Variants in CADPS2 observed in about 807,000 individuals in gnomAD.
CADPS2 encodes calcium-dependent secretion activator 2.
Under a neutral mutation model 172.5 loss-of-function variants are expected in CADPS2, and 93 were observed. The ratio of observed to expected loss-of-function variants is 0.54; its 90% CI spans 0.46 to 0.64. The LOEUF (loss-of-function observed/expected upper bound fraction) is 0.64. CADPS2 is among the 30% of genes least tolerant of loss of function. CADPS2 has a pLI of 0.00. For missense variants in CADPS2, 1,420 were observed against 1,565.9 expected, an observed-to-expected ratio of 0.91 and a Z score of 1.57; for synonymous variants, 546 against 555.2, an observed-to-expected ratio of 0.98 and a Z score of 0.23.
At chr7:122,780,912 T>G (rs927623203) in intron 1 of CADPS2, among the ~76,000 whole-genome samples, 3 of 152,196 alleles carry the variant, frequency 2.0e-5, no homozygotes, top group African/African-American at 7.2e-5. Flanking sequence ...CTCTTACACA[T>G]GTATTCTTAT....
chr7:122,487,338 C>T (rs1586552942), intron 11 of CADPS2, among the ~76,000 whole-genome samples: 1 of 151,946 alleles, frequency 6.6e-6, no homozygotes, highest in Non-Finnish European at 1.5e-5. Flanking sequence ...CACTGGGAAA[C>T]CAAAGAATTT....
chr7:122,872,480 G>A (rs890415774), intron 1 of CADPS2, among the ~76,000 whole-genome samples: 2 of 151,926 alleles, frequency 1.3e-5, no homozygotes, highest in African/African-American at 2.4e-5. Context: ...GAACAAGAAT[G>A]GGCTTTATCT....
chr7:122,757,140 A>G (rs1300422669), intron 1 of CADPS2, among the ~76,000 whole-genome samples: 3 of 148,584 alleles, frequency 2.0e-5, no homozygotes, highest in African/African-American at 7.6e-5. Context: ...TTCTGTTAAC[A>G]TAAGTTAGGT....
intron 15 of CADPS2, among the ~76,000 whole-genome samples, chr7:122,441,914 C>T (rs745813558): frequency 6.6e-6 from 1 of 152,102 alleles, no homozygotes; most frequent in Non-Finnish European, 1.5e-5. Context: ...AATTGTTATT[C>T]AAGTTCTAAG....
At chr7:122,467,981 T>C (rs2055385492) in intron 14 of CADPS2, among the ~76,000 whole-genome samples, 1 of 152,128 alleles carries the variant, frequency 6.6e-6, no homozygotes, top group Admixed American at 6.5e-5. Flanking sequence ...TCTTCCTCAG[T>C]CTTAGTACCA....
intron 13 of CADPS2, among the ~76,000 whole-genome samples, chr7:122,473,876 T>C (rs2056292050): frequency 6.6e-6 from 1 of 152,194 alleles, no homozygotes; most frequent in Non-Finnish European, 1.5e-5. Flanking sequence ...TTTGGATGGC[T>C]AGATGAAACC....
chr7:122,836,494 T>A (rs942630231), intron 1 of CADPS2, among the ~76,000 whole-genome samples: 52 of 152,168 alleles, frequency 3.4e-4, no homozygotes, highest in African/African-American at 1.2e-3. Context: ...CAAATTGGAT[T>A]AAGAGTCAAG....
intron 1 of CADPS2, among the ~76,000 whole-genome samples, chr7:122,831,211 A>C (rs1451940897): frequency 6.6e-6 from 1 of 152,148 alleles, no homozygotes; most frequent in Non-Finnish European, 1.5e-5. Flanking sequence ...CTTACTGTAA[A>C]AGGGAAACCA....
chr7:122,580,451 T>TC (rs1467833777), intron 7 of CADPS2, among the ~76,000 whole-genome samples: 1 of 70,812 alleles, frequency 1.4e-5, no homozygotes, highest in African/African-American at 6.3e-5. Flanking sequence ...AGATTCTGTC[T>TC]CAAAAAAAAA....
chr7:122,868,800 A>G (rs912981939), intron 1 of CADPS2, among the ~76,000 whole-genome samples: 9 of 152,198 alleles, frequency 5.9e-5, no homozygotes, highest in African/African-American at 2.2e-4. Context: ...GATGCTCGCT[A>G]AAGTAAGGAG....
intron 7 of CADPS2, among the ~76,000 whole-genome samples, chr7:122,568,438 A>T (rs973968612): frequency 2.6e-5 from 4 of 152,304 alleles, no homozygotes; most frequent in Admixed American, 6.5e-5. Flanking sequence ...AGGCAAAAAA[A>T]GATAAAACAA....
chr7:122,737,179 A>G (rs1270096613), intron 1 of CADPS2, 111 bp from the exon 2 acceptor site: 5 of 608,550 alleles, frequency 8.2e-6, no homozygotes, highest in African/African-American at 7.5e-5. Context: ...AATTAACTTT[A>G]TAGTAAAGAA....
At chr7:122,665,013 T>C (rs1225397631) in intron 2 of CADPS2, among the ~76,000 whole-genome samples, 2 of 151,356 alleles carry the variant, frequency 1.3e-5, no homozygotes, top group Non-Finnish European at 2.9e-5. Context: ...TGACTCAGGC[T>C]GGTCTCAAAC....
intron 1 of CADPS2, among the ~76,000 whole-genome samples, chr7:122,811,608 T>C (rs1800036793): frequency 6.6e-6 from 1 of 152,134 alleles, no homozygotes; most frequent in Non-Finnish European, 1.5e-5. Flanking sequence ...TCACCAATAA[T>C]TGAAAACCCA....
chr7:122,705,056 G>T (rs965421190), intron 2 of CADPS2, among the ~76,000 whole-genome samples: 4 of 151,874 alleles, frequency 2.6e-5, no homozygotes, highest in Admixed American at 2.6e-4. Context: ...ATAAATTCTC[G>T]ACACAAAATA....
chr7:122,377,975 A>T lies in CADPS2; in HGVS notation c.3387+1393T>A, dbSNP rs2042551852. On this transcript the variant is annotated intron_variant, in intron 25 of 29. Coordinates refer to ENST00000449022, the MANE Select transcript of CADPS2 (RefSeq NM_017954.11). ...ATGAAAAATGAACTATACTCCCATT[A>T]CCCAGAGAAAAGCTCTGTTAACATT... 2.0e-5 allele frequency among the ~76,000 whole-genome samples: 3 copies of T among 152,266 alleles called. No individual in the cohort carries two copies. In the South Asian group the frequency reaches 6.2e-4, roughly 32 times the overall value.
chr7:122,615,804 T>C (rs6466825), intron 5 of CADPS2, among the ~76,000 whole-genome samples: 23,949 of 152,086 alleles, frequency 0.16, 2,172 homozygotes, highest in African/African-American at 0.25. Context: ...ATTACTATTA[T>C]TGTCTGTAAA....
intron 8 of CADPS2, among the ~76,000 whole-genome samples, chr7:122,541,686 T>C (rs1368077460): frequency 2.1e-5 from 3 of 146,206 alleles, no homozygotes; most frequent in Non-Finnish European, 4.5e-5. Flanking sequence ...TATATATTTA[T>C]TCATATATGT....
At chr7:122,357,316 A>T (rs943844471) in intron 27 of CADPS2, 3 of 152,146 alleles carry the variant, frequency 2.0e-5, no homozygotes, top group African/African-American at 7.2e-5. Context: ...ACCAGAGTAC[A>T]ATGCTTATTT....
Sources: gnomAD v4.1 joint callset for allele counts (sites outside exome capture counted in the v4.1 genomes callset) on GRCh38, gnomAD v4.1.1 for gene constraint, MANE v1.5 for transcripts, NCBI Gene and HGNC (gene_info 2026-07-23, HGNC 2026-07-21) for gene names.